AKAP19: variants seen among roughly 807,000 people sequenced by gnomAD.
The protein encoded by AKAP19 is A-kinase anchoring protein 19.
At chr2:190,044,160 C>G in the AKAP19 span, among the ~76,000 whole-genome samples, 1 of 152,106 alleles carries the variant, frequency 6.6e-6, no homozygotes, top group African/African-American at 2.4e-5. Flanking sequence ...ACTTGGCACT[C>G]CTGAGCTGCC....
the AKAP19 span, among the ~76,000 whole-genome samples, chr2:190,192,593 C>T: frequency 6.6e-6 from 1 of 151,660 alleles, no homozygotes; most frequent in African/African-American, 2.4e-5. Context: ...GGAATTTTGC[C>T]GAATATACAT....
At chr2:190,187,046 G>A in the AKAP19 span, among the ~76,000 whole-genome samples, 2 of 152,056 alleles carry the variant, frequency 1.3e-5, no homozygotes, top group African/African-American at 4.8e-5. Context: ...CACCATGTTG[G>A]CCAGGCTGGT....
the AKAP19 span, among the ~76,000 whole-genome samples, chr2:190,039,937 G>A: frequency 2.6e-5 from 4 of 152,074 alleles, no homozygotes; most frequent in African/African-American, 7.2e-5. Flanking sequence ...TGGGCATTTA[G>A]GTTAATTCTG....
the AKAP19 span, among the ~76,000 whole-genome samples, chr2:189,991,207 T>A: frequency 6.6e-6 from 1 of 152,352 alleles, no homozygotes; most frequent in East Asian, 1.9e-4. Flanking sequence ...TCTGAGTAGA[T>A]ACCTAGTAGT....
the AKAP19 span, among the ~76,000 whole-genome samples, chr2:190,158,156 T>C: frequency 3.3e-5 from 5 of 152,148 alleles, no homozygotes; most frequent in African/African-American, 1.2e-4. Flanking sequence ...TCACGACCCT[T>C]TCATGTAAAA....
chr2:189,897,856 T>C, the AKAP19 span, among the ~76,000 whole-genome samples: 1 of 152,204 alleles, frequency 6.6e-6, no homozygotes, highest in Non-Finnish European at 1.5e-5. Context: ...TTAGAAGTTA[T>C]ATGTACCCCA....
the AKAP19 span, among the ~76,000 whole-genome samples, chr2:189,934,411 T>G: frequency 1.3e-5 from 2 of 152,038 alleles, no homozygotes; most frequent in African/African-American, 4.8e-5. Context: ...TAAACTAATT[T>G]TTGGTTCATG....
the AKAP19 span, among the ~76,000 whole-genome samples, chr2:189,895,700 C>A: frequency 6.6e-6 from 1 of 152,084 alleles, no homozygotes; most frequent in East Asian, 1.9e-4. Flanking sequence ...GAATATCAGG[C>A]TAAAGGTTTT....
chr2:190,197,851 TCTGATGGTTCCA>T, the AKAP19 span, among the ~76,000 whole-genome samples: 688 of 152,330 alleles, frequency 4.5e-3, 5 homozygotes, highest in African/African-American at 0.016. This position sits in a 1 kb window ranked among gnomAD's most constrained non-coding sequence, Gnocchi z 4.0. Flanking sequence ...AACAGAATAT[TCTGATGGTTCCA>T]CTGATGGTTC....
At chr2:189,987,667 G>A in the AKAP19 span, among the ~76,000 whole-genome samples, 1 of 152,210 alleles carries the variant, frequency 6.6e-6, no homozygotes, top group Non-Finnish European at 1.5e-5. Flanking sequence ...CCATAAGTAA[G>A]GGGATTTTTC....
At chr2:190,192,490 GTATCTATA>G in the AKAP19 span, among the ~76,000 whole-genome samples, 2 of 144,302 alleles carry the variant, frequency 1.4e-5, no homozygotes, top group African/African-American at 2.6e-5. Context: ...GTGTGTGTGT[GTATCTATA>G]TATCTATATA....
chr2:190,105,486 A>G, the AKAP19 span, among the ~76,000 whole-genome samples: 6 of 152,168 alleles, frequency 3.9e-5, no homozygotes, highest in African/African-American at 1.4e-4. Context: ...CTGTCCCCAG[A>G]CATCTTTTAG....
chr2:190,052,245 A>G, the AKAP19 span, among the ~76,000 whole-genome samples: 1 of 152,098 alleles, frequency 6.6e-6, no homozygotes, highest in African/African-American at 2.4e-5. Flanking sequence ...AATTCACTCC[A>G]TTACTTGAGT....
At chr2:189,941,331 A>G in the AKAP19 span, among the ~76,000 whole-genome samples, 1 of 152,206 alleles carries the variant, frequency 6.6e-6, no homozygotes, top group Non-Finnish European at 1.5e-5. Context: ...CTTAGGATGT[A>G]ATTGTGGTGT....
the AKAP19 span, among the ~76,000 whole-genome samples, chr2:189,971,892 A>T: frequency 6.6e-6 from 1 of 151,472 alleles, no homozygotes; most frequent in South Asian, 2.1e-4. Context: ...GCCCTTTGTC[A>T]GATCAGTAGA....
chr2:190,006,757 G>T, the AKAP19 span, among the ~76,000 whole-genome samples: 3 of 151,922 alleles, frequency 2.0e-5, no homozygotes, highest in Non-Finnish European at 4.4e-5. Context: ...GGTGGCTCAC[G>T]CCTGTAATCC....
At chr2:189,886,159 G>C in the AKAP19 span, among the ~76,000 whole-genome samples, 3 of 152,266 alleles carry the variant, frequency 2.0e-5, no homozygotes, top group Middle Eastern at 3.4e-3. Context: ...TGATGCCTTG[G>C]AGATTGGGGA....
the AKAP19 span, among the ~76,000 whole-genome samples, chr2:190,062,943 G>C: frequency 5.3e-5 from 8 of 152,090 alleles, no homozygotes; most frequent in Non-Finnish European, 7.4e-5. Flanking sequence ...AATAATAAAA[G>C]ATATTTGTGA....
At chr2:190,016,465 A>C in the AKAP19 span, among the ~76,000 whole-genome samples, 1 of 152,164 alleles carries the variant, frequency 6.6e-6, no homozygotes, top group African/African-American at 2.4e-5. Context: ...ATCACTTCCC[A>C]CCAGGTACCT....
Sources: gnomAD v4.1 joint callset for allele counts (sites outside exome capture counted in the v4.1 genomes callset) on GRCh38, gnomAD v4.1.1 for gene constraint, Gnocchi (gnomAD v3.1) non-coding constraint, MANE v1.5 for transcripts, NCBI Gene and HGNC (gene_info 2026-07-23, HGNC 2026-07-21) for gene names.